CTNNA3: variants seen among roughly 807,000 people sequenced by gnomAD.
The protein encoded by CTNNA3 is catenin alpha-3.
Under a neutral mutation model 95.7 loss-of-function variants are expected in CTNNA3, and 76 were observed. The observed-to-expected ratio is 0.79, with a 90% confidence interval of 0.66 to 0.96. The LOEUF (loss-of-function observed/expected upper bound fraction) is 0.96, where lower values mean the gene tolerates loss of function less well. Ranked by LOEUF, CTNNA3 falls within the 40% of genes least tolerant of loss-of-function variation. The pLI, the probability that CTNNA3 is intolerant of heterozygous loss-of-function variation, is 0.00. For synonymous variants in CTNNA3, 431 were observed against 374.4 expected (o/e 1.15, Z -1.74); for missense variants, 1,191 against 1,089.8 (o/e 1.09, Z -1.31).
intron 10 of CTNNA3, among the ~76,000 whole-genome samples, chr10:66,556,345 G>A (rs1286717137): frequency 3.3e-5 from 5 of 151,994 alleles, no homozygotes; most frequent in African/African-American, 4.8e-5. Context: ...CATATGATCC[G>A]GTAATCCCTC....
Position 66,289,446 on chromosome 10 carries a change from C to G in CTNNA3, c.1733-8825G>C, listed in dbSNP as rs2091643127. On this transcript the variant is annotated intron_variant, in intron 12 of 17. Coordinates refer to ENST00000433211, the MANE Select transcript of CTNNA3 (RefSeq NM_013266.4). ...CCTACTATTACACCCAATATATTAACTTCGGGGAGCCCAAATTAATACGGC... is the reference window on the plus strand; with the variant it reads ...CCTACTATTACACCCAATATATTAAGTTCGGGGAGCCCAAATTAATACGGC... Among the ~76,000 whole-genome samples the G allele has an allele frequency of 2.6e-5, 4 of 151,702 alleles. No homozygotes were observed. In the South Asian group the frequency reaches 8.3e-4, roughly 32 times the overall value.
chr10:67,666,832 C>T (rs1477827093), intron 1 of CTNNA3, among the ~76,000 whole-genome samples: 3 of 152,076 alleles, frequency 2.0e-5, no homozygotes, highest in East Asian at 3.8e-4. Context: ...CCATTATTTC[C>T]TCCTCTATCT....
intron 1 of CTNNA3, 114 bp from the exon 2 acceptor site, chr10:67,647,632 C>T (rs1329995037): frequency 2.7e-6 from 2 of 734,074 alleles, no homozygotes; most frequent in South Asian, 1.8e-5. Context: ...TTCCTGATAT[C>T]AACCATAGCC....
rs1273201458 is a variant in CTNNA3, at chr10:67,376,018, G to A, written c.579+145824C>T. Among the ~76,000 whole-genome samples the A allele has an allele frequency of 2.0e-5, 3 of 152,110 alleles. No individual in the cohort carries two copies. In the East Asian group the frequency reaches 5.8e-4, roughly 29 times the overall value. ...TACCTTGAGAGAACAGAGCAGGAAG[G>A]CACTGTCTATGAGAAAGTGGGCCCT... On this transcript the variant is annotated intron_variant, in intron 5 of 17. Transcript: ENST00000433211.
At chr10:66,359,661 T>TC (rs1208545788) in intron 12 of CTNNA3, among the ~76,000 whole-genome samples, 5 of 151,950 alleles carry the variant, frequency 3.3e-5, no homozygotes, top group East Asian at 1.9e-4. Context: ...ACATCTGTCA[T>TC]CCCCCCCAAA....
intron 7 of CTNNA3, chr10:66,926,853 AT>A (rs1411961181): frequency 7.3e-7 from 1 of 1,373,390 alleles, no homozygotes; most frequent in Admixed American, 2.6e-5. Flanking sequence ...ATATATGCCT[AT>A]TTTTGCTTGA....
chr10:66,543,120 G>T (rs1841915622), intron 10 of CTNNA3, among the ~76,000 whole-genome samples: 2 of 151,880 alleles, frequency 1.3e-5, no homozygotes, highest in Non-Finnish European at 2.9e-5. Context: ...GTTTTTTCTT[G>T]CTGTGCTGCC....
chr10:67,596,817 C>T (rs962605851), intron 3 of CTNNA3, among the ~76,000 whole-genome samples: 4 of 152,296 alleles, frequency 2.6e-5, no homozygotes, highest in Middle Eastern at 6.8e-3. Flanking sequence ...AACCTCTTTA[C>T]AGAGATTGGG....
chr10:66,664,181 C>T (rs1193871553), intron 9 of CTNNA3, among the ~76,000 whole-genome samples: 3 of 152,010 alleles, frequency 2.0e-5, no homozygotes. Flanking sequence ...GAATACTTAT[C>T]AGAAGTTTAA....
chr10:66,265,905 T>C (rs2091136796), intron 13 of CTNNA3, among the ~76,000 whole-genome samples: 1 of 152,076 alleles, frequency 6.6e-6, no homozygotes. Flanking sequence ...GGAAATCTTA[T>C]CTGTCTTATC....
At chr10:66,916,152 T>C (rs1457490952) in intron 7 of CTNNA3, among the ~76,000 whole-genome samples, 1 of 152,188 alleles carries the variant, frequency 6.6e-6, no homozygotes, top group Non-Finnish European at 1.5e-5. Context: ...GGAACAATCC[T>C]TAAACTGCAA....
At chr10:67,476,727 C>T (rs1250594167) in intron 5 of CTNNA3, among the ~76,000 whole-genome samples, 1 of 151,980 alleles carries the variant, frequency 6.6e-6, no homozygotes, top group Non-Finnish European at 1.5e-5. Flanking sequence ...AGCCACCCTA[C>T]ACTTCCTGTG....
intron 11 of CTNNA3, among the ~76,000 whole-genome samples, chr10:66,416,031 A>G (rs2093143077): frequency 6.6e-6 from 1 of 152,226 alleles, no homozygotes; most frequent in African/African-American, 2.4e-5. Flanking sequence ...AGTGAGATAT[A>G]AGAGAATTCT....
intron 10 of CTNNA3, among the ~76,000 whole-genome samples, chr10:66,549,850 C>T (rs1420049984): frequency 6.6e-6 from 1 of 151,984 alleles, no homozygotes; most frequent in African/African-American, 2.4e-5. Flanking sequence ...TCGTATGATT[C>T]TTTTTTAATT....
At chr10:66,289,906 G>T (rs548759270) in intron 12 of CTNNA3, among the ~76,000 whole-genome samples, 46 of 152,064 alleles carry the variant, frequency 3.0e-4, no homozygotes, top group African/African-American at 9.6e-4. Flanking sequence ...GAAAAAGTTG[G>T]TTTAGTTCTT....
chr10:66,840,835 T>C (rs1843042789), intron 7 of CTNNA3, among the ~76,000 whole-genome samples: 2 of 152,166 alleles, frequency 1.3e-5, no homozygotes, highest in African/African-American at 4.8e-5. Context: ...TTAAGACTTA[T>C]GAATAGCCAA....
chr10:66,381,932 T>C (rs2092842570), intron 11 of CTNNA3, among the ~76,000 whole-genome samples: 1 of 152,190 alleles, frequency 6.6e-6, no homozygotes, highest in South Asian at 2.1e-4. Flanking sequence ...TACACTTTAA[T>C]GACACATTAA....
At chr10:66,561,451 C>A (rs1842550500) in intron 10 of CTNNA3, among the ~76,000 whole-genome samples, 2 of 152,096 alleles carry the variant, frequency 1.3e-5, no homozygotes. Flanking sequence ...AGGACTATTT[C>A]TCACATTTTT....
intron 5 of CTNNA3, among the ~76,000 whole-genome samples, chr10:67,283,347 A>T (rs545793450): frequency 2.0e-5 from 3 of 152,320 alleles, no homozygotes; most frequent in African/African-American, 7.2e-5. Context: ...CAGCTTCCCA[A>T]TAAGATCTCA....
Sources: allele counts gnomAD v4.1 joint callset (sites outside exome capture counted in the v4.1 genomes callset), GRCh38; gene constraint gnomAD v4.1.1; transcripts MANE v1.5; gene names NCBI Gene and HGNC (gene_info 2026-07-23, HGNC 2026-07-21).